Variants in HEATR4 observed in about 807,000 individuals in gnomAD.
HEATR4 encodes the protein HEAT repeat-containing protein 4.
HEATR4 carries 95 observed loss-of-function variants against 108.8 expected under a neutral mutation model. The ratio of observed to expected loss-of-function variants is 0.87; its 90% CI spans 0.74 to 1.04. The LOEUF (loss-of-function observed/expected upper bound fraction) is 1.04. HEATR4 is among the 50% of genes least tolerant of loss of function. HEATR4 has a pLI of 0.00. For missense variants in HEATR4, 1,152 were observed against 1,253.8 expected (o/e 0.92, Z 1.23); for synonymous variants, 443 against 459.4 (o/e 0.96, Z 0.46).
At chr14:73,594,914 A>G in the HEATR4 span, 3 of 1,010,250 alleles carry the variant, frequency 3.0e-6, no homozygotes, top group African/African-American at 1.6e-5. Flanking sequence ...CATGTTGGCC[A>G]GGCTGGTCTC....
intron 1 of HEATR4, among the ~76,000 whole-genome samples, chr14:73,540,949 C>T (rs1889061366): frequency 8.7e-6 from 1 of 115,362 alleles, no homozygotes; most frequent in Non-Finnish European, 1.9e-5. Context: ...ACCATGTTGG[C>T]CAGGCTGGTC....
At chr14:73,487,791 G>A (rs1473386708) in intron 17 of HEATR4, among the ~76,000 whole-genome samples, 1 of 152,164 alleles carries the variant, frequency 6.6e-6, no homozygotes, top group Non-Finnish European at 1.5e-5. Flanking sequence ...AGATGGTAGC[G>A]CCTTTGGAGA....
chr14:73,510,983 A>G (rs901320302), intron 7 of HEATR4, among the ~76,000 whole-genome samples: 3 of 152,182 alleles, frequency 2.0e-5, no homozygotes, highest in Admixed American at 6.6e-5. Flanking sequence ...CTCAGTCCCA[A>G]TGTAATTTAT....
At chr14:73,521,831 T>C (rs1887992073) in intron 3 of HEATR4, among the ~76,000 whole-genome samples, 1 of 152,184 alleles carries the variant, frequency 6.6e-6, no homozygotes, top group African/African-American at 2.4e-5. Flanking sequence ...CAAGGATACA[T>C]TTCTGGGAGC....
At chr14:73,583,930 G>A in the HEATR4 span, among the ~76,000 whole-genome samples, 2 of 151,964 alleles carry the variant, frequency 1.3e-5, no homozygotes, top group African/African-American at 4.8e-5. Flanking sequence ...AACCCCGGGA[G>A]GCCGAGGTTG....
intron 6 of HEATR4, 66 bp from the exon 7 acceptor site, chr14:73,512,215 A>G (rs1470747896): frequency 1.9e-6 from 3 of 1,568,544 alleles, no homozygotes; most frequent in African/African-American, 1.3e-5. Context: ...TGCTGCAGGC[A>G]GGTGACAAGA....
intron 9 of HEATR4, among the ~76,000 whole-genome samples, chr14:73,507,228 T>C (rs1432910801): frequency 3.9e-5 from 6 of 152,230 alleles, no homozygotes; most frequent in Non-Finnish European, 8.8e-5. Context: ...GGTAAACTTC[T>C]AGCAGAAGCA....
the HEATR4 span, among the ~76,000 whole-genome samples, chr14:73,590,188 A>C: frequency 6.6e-6 from 1 of 152,126 alleles, no homozygotes; most frequent in Non-Finnish European, 1.5e-5. Context: ...TTTTACAGAG[A>C]GCCGATTGGT....
At chr14:73,568,196 A>G in the HEATR4 span, 1 of 152,208 alleles carries the variant, frequency 6.6e-6, no homozygotes, top group South Asian at 2.1e-4. Context: ...GAACGAGATA[A>G]AAAGGCTTAC....
intron 11 of HEATR4, among the ~76,000 whole-genome samples, chr14:73,501,418 C>T (rs1433880171): frequency 1.3e-5 from 2 of 151,770 alleles, no homozygotes; most frequent in Admixed American, 6.6e-5. Context: ...AGCCACCGCG[C>T]CCGGCCTTAA....
the HEATR4 span, chr14:73,592,375 TGCGAGCGG>T: frequency 6.4e-7 from 1 of 1,569,552 alleles, no homozygotes; most frequent in South Asian, 1.2e-5. Flanking sequence ...CGCCAGTCGG[TGCGAGCGG>T]GCCGGGTGCG....
intron 1 of HEATR4, among the ~76,000 whole-genome samples, chr14:73,551,100 G>T (rs186455997): frequency 9.0e-6 from 1 of 111,624 alleles, no homozygotes; most frequent in Non-Finnish European, 1.9e-5. Flanking sequence ...GGAGGCACAG[G>T]TTACAGTGAG....
chr14:73,500,211 CAG>C (rs1390580543), intron 12 of HEATR4, among the ~76,000 whole-genome samples: 1 of 151,412 alleles, frequency 6.6e-6, no homozygotes, highest in Non-Finnish European at 1.5e-5. Context: ...GCTTGGGTCA[CAG>C]AGCGAGACTC....
At chr14:73,627,686 C>G in the HEATR4 span, among the ~76,000 whole-genome samples, 1 of 152,176 alleles carries the variant, frequency 6.6e-6, no homozygotes. Flanking sequence ...GAACCCATTT[C>G]TGGGTTTTTA....
At position 73,492,967 on chromosome 14, in the gene HEATR4, A is replaced by G; in HGVS notation, c.2844+99T>C. 2 of 1,605,728 alleles carry G rather than the reference A, an allele frequency of 1.2e-6. No individual in the cohort carries two copies. The highest frequency in any genetic ancestry group is 1.7e-6 in the Non-Finnish European group (2 of 1,177,180). On this transcript the variant is annotated intron_variant, in intron 17 of 17. Coordinates refer to ENST00000553558, the MANE Select transcript of HEATR4 (RefSeq NM_001220484.1). The surrounding 1 kb of genome is among the most constrained non-coding windows in gnomAD (Gnocchi z 4.9). ...AGTTTCTTGTTGATTGCTGGAAACA[A>G]GGCAGTAGTGATTCTCCGCTGCCAC...
intron 2 of HEATR4, among the ~76,000 whole-genome samples, chr14:73,526,719 A>T (rs145098760): frequency 5.7e-4 from 87 of 152,336 alleles, no homozygotes; most frequent in African/African-American, 1.9e-3. Flanking sequence ...CTGATGGGTC[A>T]GATTTATCCT....
intron 17 of HEATR4, among the ~76,000 whole-genome samples, chr14:73,479,664 A>G (rs1318450949): frequency 6.8e-6 from 1 of 147,282 alleles, no homozygotes; most frequent in Non-Finnish European, 1.5e-5. Context: ...TCTCGAACTC[A>G]GGTGATCCGC....
chr14:73,620,553 G>A, the HEATR4 span, among the ~76,000 whole-genome samples: 1 of 151,986 alleles, frequency 6.6e-6, no homozygotes, highest in Non-Finnish European at 1.5e-5. Context: ...ATTGCCTTAA[G>A]GAATGGACTC....
intron 1 of HEATR4, among the ~76,000 whole-genome samples, chr14:73,548,344 G>A (rs533391646): frequency 1.7e-5 from 2 of 115,286 alleles, no homozygotes; most frequent in South Asian, 2.8e-4. Context: ...GAATCCAGGA[G>A]CTTTTGAAGA....
Sources: gnomAD v4.1 joint callset for allele counts (sites outside exome capture counted in the v4.1 genomes callset) on GRCh38, gnomAD v4.1.1 for gene constraint, Gnocchi (gnomAD v3.1) non-coding constraint, MANE v1.5 for transcripts, NCBI Gene and HGNC (gene_info 2026-07-23, HGNC 2026-07-21) for gene names.